The following PCNX2 variants were observed in gnomAD, a reference collection of about 807,000 sequenced individuals.
PCNX2 encodes the protein pecanex-like protein 2.
PCNX2 carries 168 observed loss-of-function variants against 223.8 expected under a neutral mutation model. That is an observed-to-expected ratio of 0.75 (90% CI 0.66 to 0.85). The LOEUF (loss-of-function observed/expected upper bound fraction) is 0.85, where lower values mean the gene tolerates loss of function less well. Ranked by LOEUF, PCNX2 falls within the 40% of genes least tolerant of loss-of-function variation. PCNX2 has a pLI of 0.00. For missense variants in PCNX2, 2,507 were observed against 2,675.5 expected (o/e 0.94, Z 1.39); for synonymous variants, 1,006 against 1,052.6 (o/e 0.96, Z 0.86).
intron 22 of PCNX2, among the ~76,000 whole-genome samples, chr1:233,092,136 C>T (rs1400458027): frequency 6.6e-6 from 1 of 152,028 alleles, no homozygotes; most frequent in Non-Finnish European, 1.5e-5. Flanking sequence ...TATTAGAAAG[C>T]AGAGTCAGGT....
chr1:233,299,980 T>C (rs1662233650), upstream of PCNX2, among the ~76,000 whole-genome samples: 1 of 151,446 alleles, frequency 6.6e-6, no homozygotes, highest in Admixed American at 6.6e-5. Flanking sequence ...ACCTAATCCC[T>C]TTAAACTCAT....
intron 26 of PCNX2, among the ~76,000 whole-genome samples, chr1:233,021,826 G>A (rs1026080993): frequency 6.6e-6 from 1 of 152,156 alleles, no homozygotes; most frequent in Non-Finnish European, 1.5e-5. Context: ...CATGATCCTG[G>A]ATTTGTCAAA....
intron 8 of PCNX2, among the ~76,000 whole-genome samples, chr1:233,238,675 C>T (rs1658563873): frequency 7.8e-6 from 1 of 128,606 alleles, no homozygotes; most frequent in South Asian, 2.7e-4. Flanking sequence ...CCTATGTGAA[C>T]AGAGTAAGAT....
chr1:233,037,836 T>C (rs982950876), intron 25 of PCNX2, among the ~76,000 whole-genome samples: 9 of 152,218 alleles, frequency 5.9e-5, no homozygotes, highest in Admixed American at 4.6e-4. Flanking sequence ...CTGTGACCTG[T>C]CTGGCAAGCC....
chr1:233,134,971 C>T, intron 21 of PCNX2, 42 bp downstream of exon 21: 1 of 1,474,796 alleles, frequency 6.8e-7, no homozygotes, highest in East Asian at 2.3e-5. Context: ...AGAACAGCCC[C>T]CTTTAAAATG....
chr1:233,172,700 C>G (rs1288697301), intron 17 of PCNX2, among the ~76,000 whole-genome samples: 1 of 152,240 alleles, frequency 6.6e-6, no homozygotes, highest in African/African-American at 2.4e-5. Flanking sequence ...GCTTCCTGCC[C>G]TGCTTCCTCC....
At chr1:233,091,858 A>G (rs1673891345) in intron 22 of PCNX2, among the ~76,000 whole-genome samples, 3 of 151,616 alleles carry the variant, frequency 2.0e-5, no homozygotes, top group Non-Finnish European at 4.4e-5. Context: ...ATCCATTCCA[A>G]TGTTGAATTG....
intron 23 of PCNX2, among the ~76,000 whole-genome samples, chr1:233,069,154 G>A (rs1672741308): frequency 1.3e-5 from 2 of 152,060 alleles, no homozygotes; most frequent in Admixed American, 1.3e-4. Context: ...GATCCACAAA[G>A]AAAACACATC....
chr1:233,301,812 T>TC, the PCNX2 span, among the ~76,000 whole-genome samples: 2 of 150,894 alleles, frequency 1.3e-5, no homozygotes, highest in Non-Finnish European at 3.0e-5. Context: ...TTTTTTTTTT[T>TC]CCAGAGTCTT....
chr1:233,265,718 G>C (rs903265659), intron 1 of PCNX2, among the ~76,000 whole-genome samples: 1 of 152,088 alleles, frequency 6.6e-6, no homozygotes, highest in African/African-American at 2.4e-5. Context: ...TAATAACAGG[G>C]GGGTCCATTT....
At chr1:233,289,854 C>A (rs1197293498) in intron 1 of PCNX2, among the ~76,000 whole-genome samples, 1 of 152,226 alleles carries the variant, frequency 6.6e-6, no homozygotes, top group Non-Finnish European at 1.5e-5. Context: ...GTGGAATGGG[C>A]CAAGCCTGCT....
Position 232,984,287 on chromosome 1 carries a change from G to A in PCNX2, c.*17C>T, listed in dbSNP as rs117840893. On this transcript the variant is annotated 3_prime_UTR_variant, in exon 34 of 34. Transcript: ENST00000258229. ...GAGGTGTGGGGGAGCCAGCCTCCCCGCCCGGCCGCACGCCCGTCACTGCTC... is the reference window on the plus strand; with the variant it reads ...GAGGTGTGGGGGAGCCAGCCTCCCCACCCGGCCGCACGCCCGTCACTGCTC... 4.0e-4 allele frequency: 636 copies of A among 1,575,996 alleles called. 2 individuals carry two copies. In the East Asian group the frequency reaches 0.011, roughly 27 times the overall value.
intron 32 of PCNX2, among the ~76,000 whole-genome samples, chr1:232,997,860 G>A (rs1012054186): frequency 6.6e-6 from 1 of 152,172 alleles, no homozygotes; most frequent in African/African-American, 2.4e-5. Context: ...CAGGAGGCCT[G>A]TTTGTGTGCC....
intron 1 of PCNX2, among the ~76,000 whole-genome samples, chr1:233,267,893 T>C (rs922129776): frequency 1.3e-5 from 2 of 152,024 alleles, no homozygotes; most frequent in Non-Finnish European, 2.9e-5. Flanking sequence ...AAGAGGAATA[T>C]CTGGATCACA....
chr1:233,251,211 C>T (rs909533117), intron 7 of PCNX2, among the ~76,000 whole-genome samples: 1 of 152,066 alleles, frequency 6.6e-6, no homozygotes, highest in African/African-American at 2.4e-5. Flanking sequence ...TTTTGGTATA[C>T]GAATACCTCA....
At chr1:233,218,800 T>C (rs1657186228) in intron 10 of PCNX2, among the ~76,000 whole-genome samples, 2 of 152,090 alleles carry the variant, frequency 1.3e-5, no homozygotes, top group Admixed American at 6.5e-5. Flanking sequence ...AGTTAATGAT[T>C]CCATCCATGA....
chr1:233,161,335 A>G lies in PCNX2; in HGVS notation c.3302T>C (p.Val1101Ala). The G allele has an allele frequency of 1.2e-6, 2 of 1,613,890 alleles. No individual in the cohort carries two copies. Among genetic ancestry groups the G allele is most frequent in the Non-Finnish European group, 1.7e-6 (2 of 1,179,852 alleles). Residue 1101 changes from valine to alanine, a missense_variant, in exon 18 of 34, where the codon GTC (valine) becomes GCC (alanine). Val to Ala is a moderately conservative substitution (Grantham distance 64). Transcript: ENST00000258229. ...TGAGAGGACAGCAACCACTGCGCAGACGATGAGATCCCATTTTAAGACATC... is the reference window on the plus strand; with the variant it reads ...TGAGAGGACAGCAACCACTGCGCAGGCGATGAGATCCCATTTTAAGACATC... ...VTDVLKWDLI[V>A]CAVVAVLSFA...
the PCNX2 span, among the ~76,000 whole-genome samples, chr1:233,321,479 G>A: frequency 6.6e-6 from 1 of 152,018 alleles, no homozygotes; most frequent in Non-Finnish European, 1.5e-5. Context: ...TGTATTTTTA[G>A]TAGAGATGGG....
rs371890206 is a variant in PCNX2 at position 233,097,929 on chromosome 1, CAA to C, written c.3838-2068_3838-2067del. ...ATGACTTCTGGGTTACCAACCAGGG[CAA>C]AAGTCTTGAAAAGTGGTGGTGGGCT... On this transcript the variant is annotated intron_variant, in intron 21 of 33. Transcript: ENST00000258229. Among the ~76,000 whole-genome samples the C allele has an allele frequency of 6.8e-4, 103 of 152,268 alleles. 2 individuals are homozygous for C. The South Asian group carries it at 0.018, about 27-fold the overall frequency.
Sources: gnomAD v4.1 joint callset for allele counts (sites outside exome capture counted in the v4.1 genomes callset) on GRCh38, gnomAD v4.1.1 for gene constraint, MANE v1.5 for transcripts, NCBI Gene and HGNC (gene_info 2026-07-23, HGNC 2026-07-21) for gene names.